Variants in MFSD6 observed in about 807,000 individuals in gnomAD.
The protein encoded by MFSD6 is major facilitator superfamily domain containing 6, also known as major facilitator superfamily domain-containing protein 6.
In MFSD6, 26 loss-of-function variants were observed where a neutral mutation model predicts 56.3. The ratio of observed to expected loss-of-function variants is 0.46; its 90% confidence interval spans 0.34 to 0.64. The LOEUF (loss-of-function observed/expected upper bound fraction) is 0.64, where lower values mean the gene tolerates loss of function less well. Ranked by LOEUF, MFSD6 falls within the 30% of genes least tolerant of loss-of-function variation. The pLI is 0.01. For synonymous variants in MFSD6, 331 were observed against 366.9 expected (o/e 0.90, Z 1.12); for missense variants, 750 against 986.2 (o/e 0.76, Z 3.21).
At chr2:190,421,013 C>T (rs1418674738) in intron 2 of MFSD6, among the ~76,000 whole-genome samples, 1 of 152,170 alleles carries the variant, frequency 6.6e-6, no homozygotes, top group African/African-American at 2.4e-5. Flanking sequence ...CTTATGTAAC[C>T]AGAGAAACCT....
Position 190,495,467 on chromosome 2 carries a change from C to A in MFSD6, c.1892-1972C>A, listed in dbSNP as rs549370563. Among the ~76,000 whole-genome samples the A allele has an allele frequency of 6.6e-6, 1 of 151,992 alleles. No homozygotes were observed. The highest frequency in any genetic ancestry group is 1.9e-4 in the East Asian group (1 of 5,192). Reference sequence around the variant, plus strand: ...CAATGCAATTCCCATCAAATACCACCATCATTCTTCACAGAACTAGAAAAA... The same window carrying A: ...CAATGCAATTCCCATCAAATACCACAATCATTCTTCACAGAACTAGAAAAA... On this transcript the variant is annotated intron_variant, in intron 6 of 7. Transcript: ENST00000392328. The surrounding 1 kb of genome is among the most constrained non-coding windows in gnomAD (Gnocchi z 4.7).
Position 190,499,704 on chromosome 2 carries a change from G to A in MFSD6, c.2173-311G>A. 1.9e-6 allele frequency: 2 copies of A among 1,025,790 alleles called. No homozygotes were observed. The highest frequency in any genetic ancestry group is 1.5e-5 in the South Asian group (1 of 65,634). The allele number at this position is 1,025,790 out of a possible 1,614,324, so 63.5% of individuals were successfully genotyped here. On this transcript the variant is annotated intron_variant, in intron 7 of 7. Transcript: ENST00000392328. The surrounding 1 kb of genome is among the most constrained non-coding windows in gnomAD (Gnocchi z 6.0). Reference sequence around the variant, plus strand: ...CCCAGCGACTTGCCACATGGCTTGGGGGGCTCAGTAAATATTTGCTGATGT... The same window carrying A: ...CCCAGCGACTTGCCACATGGCTTGGAGGGCTCAGTAAATATTTGCTGATGT...
rs897252892 is a variant in MFSD6, at chr2:190,443,715, CT to C, written c.1532+6157del. On this transcript the variant is annotated intron_variant, in intron 3 of 7. Transcript: ENST00000392328. The surrounding 1 kb of genome is among the most constrained non-coding windows in gnomAD (Gnocchi z 4.2). ...ATTGGAAGTGCACTCCTGATACAGC[CT>C]TTATATAATAGAATCTTTTGCTCTT... Among the ~76,000 whole-genome samples, 1 of 152,134 alleles carries C rather than the reference CT, an allele frequency of 6.6e-6. No homozygotes were observed. Among genetic ancestry groups the C allele is most frequent in the Admixed American group, 6.5e-5 (1 of 15,278 alleles).
rs1685778509 is a variant in MFSD6 at position 190,426,130 on chromosome 2, T to C, written c.-53-9847T>C. Among the ~76,000 whole-genome samples, 1 of 152,216 alleles carries C rather than the reference T, an allele frequency of 6.6e-6. No homozygotes were observed. The highest frequency in any genetic ancestry group is 1.5e-5 in the Non-Finnish European group (1 of 68,032). On this transcript the variant is annotated intron_variant, in intron 2 of 7. Coordinates refer to ENST00000392328, the MANE Select transcript of MFSD6 (RefSeq NM_017694.4). This position sits in a 1 kb window ranked among gnomAD's most constrained non-coding sequence, Gnocchi z 4.7. ...TTGAGAAGTTTTTAGCCTTTACTTC[T>C]TTGACAACTTTTTCACTCCCTTTTT... is the stretch of plus-strand genomic sequence containing the variant.
chr2:190,492,441 C>T lies in MFSD6; in HGVS notation c.1891+2575C>T, dbSNP rs1689413134. Among the ~76,000 whole-genome samples the T allele has an allele frequency of 6.6e-6, 1 of 152,158 alleles. No individual in the cohort carries two copies. The highest frequency in any genetic ancestry group is 2.4e-5 in the African/African-American group (1 of 41,426). On this transcript the variant is annotated intron_variant, in intron 6 of 7. Transcript: ENST00000392328. This position sits in a 1 kb window ranked among gnomAD's most constrained non-coding sequence, Gnocchi z 5.2. The stretch of plus-strand genomic sequence containing the variant: ...AAAGGAAAACCTCTCAGATTAACAG[C>T]AGATTTCTCAGCAGAAACCCTACAA...
At position 190,439,087 on chromosome 2, in the gene MFSD6, C is replaced by T. The variant is rs1200377694; in HGVS notation, c.1532+1526C>T. On this transcript the variant is annotated intron_variant, in intron 3 of 7. Coordinates refer to ENST00000392328, the MANE Select transcript of MFSD6 (RefSeq NM_017694.4). This position sits in a 1 kb window ranked among gnomAD's most constrained non-coding sequence, Gnocchi z 5.8. ...CATAATATTAAGGACTCGGAATGCC[C>T]TTTAATTTTGTCCACACCATGTTTA... 1.2e-4 allele frequency among the ~76,000 whole-genome samples: 18 copies of T among 151,986 alleles called. No homozygotes were observed. The highest frequency in any genetic ancestry group is 1.6e-4 in the Non-Finnish European group (11 of 68,010).
At position 190,412,773 on chromosome 2, in the gene MFSD6, A is replaced by G; in HGVS notation, c.-175-2519A>G. On this transcript the variant is annotated intron_variant, in intron 1 of 7. Coordinates refer to ENST00000392328, the MANE Select transcript of MFSD6 (RefSeq NM_017694.4). This position sits in a 1 kb window ranked among gnomAD's most constrained non-coding sequence, Gnocchi z 4.1. ...TTTCCTAAATTCTGAATGATACGTTATCCAGTACTTAGCCCCACTGCTGGA... is the reference window on the plus strand; with the variant it reads ...TTTCCTAAATTCTGAATGATACGTTGTCCAGTACTTAGCCCCACTGCTGGA... 4.1e-6 allele frequency: 1 copy of G among 244,416 alleles called. No homozygotes were observed. Among genetic ancestry groups the G allele is most frequent in the Non-Finnish European group, 6.6e-6 (1 of 152,426 alleles). The allele number at this position is 244,416 out of a possible 1,614,324, so 15.1% of individuals were successfully genotyped here. A position where few individuals can be genotyped will look rare whatever the true frequency, so the allele number is the denominator to read the frequency against.
At chr2:190,411,614 G>A (rs532123625) in intron 1 of MFSD6, 76 of 978,180 alleles carry the variant, frequency 7.8e-5, no homozygotes, top group Admixed American at 5.5e-4. Context: ...AAGAAGACTA[G>A]AATTAATTGA....
At chr2:190,483,960 A>G (rs1199092232) in intron 4 of MFSD6, among the ~76,000 whole-genome samples, 4 of 152,096 alleles carry the variant, frequency 2.6e-5, no homozygotes, top group Non-Finnish European at 5.9e-5. Context: ...TAGTGTGGAT[A>G]TATCTCTTGA....
At chr2:190,486,260 G>C (rs2125226037) in intron 4 of MFSD6, among the ~76,000 whole-genome samples, 1 of 152,348 alleles carries the variant, frequency 6.6e-6, no homozygotes, top group South Asian at 2.1e-4. Flanking sequence ...CGCCTTGTGT[G>C]GGTTCTGGGT....
In MFSD6 at chr2:190,502,149, T is replaced by A. The variant is rs1297940881; in HGVS notation, c.*1931T>A. On this transcript the variant is annotated 3_prime_UTR_variant, in exon 8 of 8. Coordinates refer to ENST00000392328, the MANE Select transcript of MFSD6 (RefSeq NM_017694.4). This position sits in a 1 kb window ranked among gnomAD's most constrained non-coding sequence, Gnocchi z 4.4. ...CTAATGAATGAGACCAAATTCAACATGCCTTTGTTATGGAACATTTACTGT... is the reference window on the plus strand; with the variant it reads ...CTAATGAATGAGACCAAATTCAACAAGCCTTTGTTATGGAACATTTACTGT... The A allele has an allele frequency of 6.6e-6, 1 of 152,348 alleles. No homozygotes were observed. The highest frequency in any genetic ancestry group is 1.5e-5 in the Non-Finnish European group (1 of 68,042). The allele number at this position is 152,348 out of a possible 1,614,324, so 9.4% of individuals were successfully genotyped here. A position where few individuals can be genotyped will look rare whatever the true frequency, so the allele number is the denominator to read the frequency against.
chr2:190,479,582 T>C (rs1688545479), intron 4 of MFSD6, among the ~76,000 whole-genome samples: 1 of 152,236 alleles, frequency 6.6e-6, no homozygotes, highest in African/African-American at 2.4e-5. Flanking sequence ...CCCAAACTTG[T>C]TATTCTCCTT....
chr2:190,475,585 T>C (rs1688252557), intron 4 of MFSD6, among the ~76,000 whole-genome samples: 1 of 152,160 alleles, frequency 6.6e-6, no homozygotes, highest in South Asian at 2.1e-4. Flanking sequence ...TGGAAGAACA[T>C]TCCATGCTCA....
At position 190,498,992 on chromosome 2, in the gene MFSD6, A is replaced by G. The variant is rs1689870076; in HGVS notation, c.2173-1023A>G. On this transcript the variant is annotated intron_variant, in intron 7 of 7. Transcript: ENST00000392328. This position sits in a 1 kb window ranked among gnomAD's most constrained non-coding sequence, Gnocchi z 5.9. ...GTGAAACCCCGTCTCTACTAAAAAT[A>G]TAAAAATTAGCTGGGCATGGTGGCG... 6.6e-6 allele frequency among the ~76,000 whole-genome samples: 1 copy of G among 151,912 alleles called. No homozygotes were observed. Among genetic ancestry groups the G allele is most frequent in the African/African-American group, 2.4e-5 (1 of 41,342 alleles).
intron 2 of MFSD6, among the ~76,000 whole-genome samples, chr2:190,421,139 T>G (rs1370223728): frequency 6.6e-6 from 1 of 152,178 alleles, no homozygotes; most frequent in African/African-American, 2.4e-5. Flanking sequence ...ATATTTCCAT[T>G]TTTGAATTAG....
chr2:190,429,860 A>G (rs1346219120), intron 2 of MFSD6, among the ~76,000 whole-genome samples: 1 of 149,602 alleles, frequency 6.7e-6, no homozygotes, highest in Non-Finnish European at 1.5e-5. Flanking sequence ...TTTTTTCTTT[A>G]TTATACTTTA....
In MFSD6 at chr2:190,437,648, T is replaced by C. The variant is rs1272746767; in HGVS notation, c.1532+87T>C. The C allele has an allele frequency of 1.4e-6, 2 of 1,434,408 alleles. No individual in the cohort carries two copies. Among genetic ancestry groups the C allele is most frequent in the Non-Finnish European group, 1.9e-6 (2 of 1,064,384 alleles). The allele number at this position is 1,434,408 out of a possible 1,614,324, so 88.9% of individuals were successfully genotyped here. A position where few individuals can be genotyped will look rare whatever the true frequency, so the allele number is the denominator to read the frequency against. ...AGCTCCTTCTACTACAATTTTAAGG[T>C]ATTATAATTTGTGTTGAGGATAGGG... On this transcript the variant is annotated intron_variant, in intron 3 of 7. Coordinates refer to ENST00000392328, the MANE Select transcript of MFSD6 (RefSeq NM_017694.4). The surrounding 1 kb of genome is among the most constrained non-coding windows in gnomAD (Gnocchi z 5.9).
chr2:190,408,786 C>G (rs1690426261), intron 1 of MFSD6, among the ~76,000 whole-genome samples: 1 of 152,172 alleles, frequency 6.6e-6, no homozygotes, highest in Admixed American at 6.5e-5. Flanking sequence ...CCAGCGCGCC[C>G]CGTGCTGGCA....
rs1006586583 is a variant in MFSD6, at chr2:190,423,762, A to G, written c.-54+8349A>G. ...CATTTTAAATCCCCACCCACAGTATATGAGTAATTTGGTAGTTGTGCCTCC... is the reference window on the plus strand; with the variant it reads ...CATTTTAAATCCCCACCCACAGTATGTGAGTAATTTGGTAGTTGTGCCTCC... On this transcript the variant is annotated intron_variant, in intron 2 of 7. Transcript: ENST00000392328. The surrounding 1 kb of genome is among the most constrained non-coding windows in gnomAD (Gnocchi z 4.3). 6.6e-6 allele frequency among the ~76,000 whole-genome samples: 1 copy of G among 152,322 alleles called. No individual in the cohort carries two copies. The highest frequency in any genetic ancestry group is 2.4e-5 in the African/African-American group (1 of 41,584).
Sources: allele counts gnomAD v4.1 joint callset (sites outside exome capture counted in the v4.1 genomes callset), GRCh38; gene constraint gnomAD v4.1.1; non-coding constraint Gnocchi (gnomAD v3.1); transcripts MANE v1.5; gene names NCBI Gene and HGNC (gene_info 2026-07-23, HGNC 2026-07-21).